CLCA4: variants seen among roughly 807,000 people sequenced by gnomAD.
CLCA4 encodes calcium-activated chloride channel regulator 4.
In CLCA4, 69 loss-of-function variants were observed where a neutral mutation model predicts 78.9. That is an observed-to-expected ratio of 0.87 (90% CI 0.72 to 1.07). CLCA4 has a LOEUF of 1.07. CLCA4 is among the 50% of genes least tolerant of loss of function. The probability of loss-of-function intolerance (pLI) is 0.00; values close to 1 mark genes in which losing one functional copy is unlikely to be tolerated. For synonymous variants in CLCA4, 362 were observed against 375.8 expected (o/e 0.96, Z 0.42); for missense variants, 1,133 against 1,095.8 (o/e 1.03, Z -0.48).
At chr1:86,565,213 A>T in intron 4 of CLCA4, 61 bp from the exon 5 acceptor site, 1 of 1,220,754 alleles carries the variant, frequency 8.2e-7, no homozygotes. Flanking sequence ...AGAACCACTT[A>T]AGATTTCTGT....
intron 1 of CLCA4, among the ~76,000 whole-genome samples, chr1:86,559,600 A>G (rs1167385200): frequency 2.0e-5 from 3 of 152,224 alleles, no homozygotes; most frequent in Non-Finnish European, 4.4e-5. Context: ...AAGATCTGTC[A>G]TCCAGAAGAT....
intron 1 of CLCA4, among the ~76,000 whole-genome samples, chr1:86,556,317 CA>C (rs1460067716): frequency 3.3e-5 from 5 of 152,166 alleles, no homozygotes; most frequent in Admixed American, 6.5e-5. Flanking sequence ...TTTGCCCATT[CA>C]GTATAATGTT....
intron 12 of CLCA4, among the ~76,000 whole-genome samples, chr1:86,578,554 T>A (rs975233521): frequency 1.3e-5 from 2 of 152,074 alleles, no homozygotes; most frequent in African/African-American, 2.4e-5. Flanking sequence ...GAACACGCAG[T>A]ATTTTGGTTT....
chr1:86,550,013 C>A (rs1381963224), intron 1 of CLCA4, among the ~76,000 whole-genome samples: 5 of 152,146 alleles, frequency 3.3e-5, no homozygotes, highest in Non-Finnish European at 7.3e-5. Context: ...GGTGGTGTAG[C>A]CACGTAAATT....
intron 9 of CLCA4, among the ~76,000 whole-genome samples, chr1:86,573,697 G>A (rs1282134447): frequency 6.6e-6 from 1 of 152,000 alleles, no homozygotes; most frequent in African/African-American, 2.4e-5. Context: ...CTAGTGTTTG[G>A]AGAATAAGCT....
At position 86,580,315 on chromosome 1, in the gene CLCA4, T is replaced by C. The variant is rs749605947; in HGVS notation, c.2730T>C (p.Ile910=). 2 of 1,597,540 alleles carry C rather than the reference T, an allele frequency of 1.3e-6. No homozygotes were observed. Among genetic ancestry groups the C allele is most frequent in the East Asian group, 2.2e-5 (1 of 44,678 alleles). ...LVLSVIGSVV[I]VNFILSTTI Reference sequence around the variant, plus strand: ...TGTCTGTGATTGGGTCTGTTGTAATTGTTAACTTTATTTTAAGTACCACCA... The same window carrying C: ...TGTCTGTGATTGGGTCTGTTGTAATCGTTAACTTTATTTTAAGTACCACCA... Residue 910 remains isoleucine, a synonymous_variant, in exon 14 of 14, where the codon ATT becomes ATC. Transcript: ENST00000370563.
Position 86,580,566 on chromosome 1 carries a change from TTTG to T in CLCA4, c.*224_*226del. 2.7e-6 allele frequency: 1 copy of T among 376,660 alleles called. No individual in the cohort carries two copies. Among genetic ancestry groups the T allele is most frequent in the Non-Finnish European group, 4.7e-6 (1 of 213,620 alleles). 23.3% of individuals were successfully genotyped at this position (376,660 alleles called of 1,614,324 possible). A position where few individuals can be genotyped will look rare whatever the true frequency, so the allele number is the denominator to read the frequency against. ...GATTAAAATTTAATAGTTTCATTTATTTGTTATTTTATTTGTAAGAAATAGTGA... is the reference window on the plus strand; with the variant it reads ...GATTAAAATTTAATAGTTTCATTTATTTATTTTATTTGTAAGAAATAGTGA... On this transcript the variant is annotated 3_prime_UTR_variant, in exon 14 of 14. Coordinates refer to ENST00000370563, the MANE Select transcript of CLCA4 (RefSeq NM_012128.4).
chr1:86,575,014 T>C (rs1458647506), intron 10 of CLCA4, among the ~76,000 whole-genome samples: 1 of 151,970 alleles, frequency 6.6e-6, no homozygotes, highest in East Asian at 1.9e-4. Context: ...CTATGCAAAT[T>C]GGTGGGTAGA....
At chr1:86,553,929 C>G (rs1649750562) in intron 1 of CLCA4, among the ~76,000 whole-genome samples, 1 of 151,658 alleles carries the variant, frequency 6.6e-6, no homozygotes, top group African/African-American at 2.4e-5. Context: ...GAGCAAGACT[C>G]TGTCCAAAAA....
chr1:86,564,641 A>G (rs1227666886), intron 4 of CLCA4, among the ~76,000 whole-genome samples: 3 of 152,148 alleles, frequency 2.0e-5, no homozygotes, highest in Non-Finnish European at 4.4e-5. Flanking sequence ...AAGCCTATTG[A>G]AAAGACAAAA....
At chr1:86,550,130 C>T (rs998766772) in intron 1 of CLCA4, among the ~76,000 whole-genome samples, 3 of 152,098 alleles carry the variant, frequency 2.0e-5, no homozygotes, top group African/African-American at 4.8e-5. Flanking sequence ...TTTTAATTAC[C>T]CAGCAGAAGG....
chr1:86,563,513 GC>G, intron 3 of CLCA4, 147 bp from the exon 4 acceptor site: 1 of 474,626 alleles, frequency 2.1e-6, no homozygotes, highest in Non-Finnish European at 3.8e-6. Context: ...AATGCAATAG[GC>G]TTTTTTATAC....
chr1:86,559,674 A>G (rs1649954850), intron 1 of CLCA4, among the ~76,000 whole-genome samples: 1 of 152,226 alleles, frequency 6.6e-6, no homozygotes, highest in Non-Finnish European at 1.5e-5. Context: ...CCTATTAATC[A>G]ATTCCTCTTA....
chr1:86,563,592 G>A, intron 3 of CLCA4, 69 bp from the exon 4 acceptor site: 2 of 713,698 alleles, frequency 2.8e-6, no homozygotes, highest in South Asian at 4.8e-5. Context: ...TGAAAGAGAA[G>A]CTTCTTAAAA....
chr1:86,578,654 T>A (rs1411426712), intron 12 of CLCA4, among the ~76,000 whole-genome samples: 1 of 152,040 alleles, frequency 6.6e-6, no homozygotes, highest in Non-Finnish European at 1.5e-5. Context: ...AAACATCAGT[T>A]ATTATTATGT....
intron 4 of CLCA4, among the ~76,000 whole-genome samples, chr1:86,564,034 G>T (rs1019816590): frequency 6.6e-6 from 1 of 152,124 alleles, no homozygotes; most frequent in African/African-American, 2.4e-5. Flanking sequence ...AGTTGGGCAT[G>T]TAAATGGATA....
chr1:86,556,513 T>C (rs1649849283), intron 1 of CLCA4, among the ~76,000 whole-genome samples: 1 of 152,220 alleles, frequency 6.6e-6, no homozygotes, highest in Non-Finnish European at 1.5e-5. Flanking sequence ...GTTGAATCAA[T>C]CTTGCGTCCT....
In CLCA4 at chr1:86,580,360, A is replaced by G. The variant is rs531705990; in HGVS notation, c.*15A>G. 8.9e-5 allele frequency: 137 copies of G among 1,542,202 alleles called. 4 individuals carry two copies. In the South Asian group the frequency reaches 1.7e-3, roughly 20 times the overall value. ...CCACCATTTGAACCTTAACGAAGAAAAAAATCTTCAAGTAGACCTAGAAGA... is the reference window on the plus strand; with the variant it reads ...CCACCATTTGAACCTTAACGAAGAAGAAAATCTTCAAGTAGACCTAGAAGA... On this transcript the variant is annotated 3_prime_UTR_variant, in exon 14 of 14. Coordinates refer to ENST00000370563, the MANE Select transcript of CLCA4 (RefSeq NM_012128.4).
intron 1 of CLCA4, among the ~76,000 whole-genome samples, chr1:86,548,936 A>C (rs1649576977): frequency 6.6e-6 from 1 of 152,180 alleles, no homozygotes; most frequent in African/African-American, 2.4e-5. Context: ...CTTGATCTGT[A>C]AGTTAGCAGT....
Sources: gnomAD v4.1 joint callset for allele counts (sites outside exome capture counted in the v4.1 genomes callset) on GRCh38, gnomAD v4.1.1 for gene constraint, MANE v1.5 for transcripts, NCBI Gene and HGNC (gene_info 2026-07-23, HGNC 2026-07-21) for gene names.